ASCC2: variants seen among roughly 807,000 people sequenced by gnomAD.
The protein encoded by ASCC2 is activating signal cointegrator 1 complex subunit 2.
A neutral mutation model predicts 93.5 loss-of-function variants in ASCC2; 42 were observed. That is an observed-to-expected ratio of 0.45 (90% CI 0.35 to 0.58). ASCC2 has a LOEUF of 0.58. Ranked by LOEUF, ASCC2 falls within the 20% of genes least tolerant of loss-of-function variation. The pLI is 0.00. For synonymous variants in ASCC2, 364 were observed against 384.2 expected, an observed-to-expected ratio of 0.95 and a Z score of 0.62; for missense variants, 859 against 977.6, an observed-to-expected ratio of 0.88 and a Z score of 1.62.
At position 29,789,179 on chromosome 22, in the gene ASCC2, C is replaced by T. The variant is rs766787036; in HGVS notation, c.2108G>A (p.Arg703Gln). Residue 703 changes from arginine to glutamine, a missense_variant, in exon 20 of 20, where the codon CGG becomes CAG. Physicochemically the swap from Arg to Gln is conservative, Grantham distance 43. Coordinates refer to ENST00000307790, the MANE Select transcript of ASCC2 (RefSeq NM_032204.5). ...GGCCACTGCTGTTGAGCTGTCATGC[C>T]GGTACCTGAGGGAGGAACAACCCAC... ...RMAFLAKKGY[R>Q]HDSSTAVAGS... is the part of the protein sequence containing the mutation. The T allele has an allele frequency of 2.0e-5, 32 of 1,613,978 alleles. No individual in the cohort carries two copies. The highest frequency in any genetic ancestry group is 4.5e-5 in the East Asian group (2 of 44,898).
chr22:29,835,847 T>A (rs929545986), intron 1 of ASCC2, among the ~76,000 whole-genome samples: 2 of 152,172 alleles, frequency 1.3e-5, no homozygotes, highest in Non-Finnish European at 2.9e-5. Context: ...TGATTTGGCA[T>A]TAAAGCTGTA....
At chr22:29,794,758 G>A (rs1316298964) in intron 15 of ASCC2, among the ~76,000 whole-genome samples, 4 of 152,160 alleles carry the variant, frequency 2.6e-5, no homozygotes, top group Admixed American at 1.3e-4. Flanking sequence ...GTGCTGATGC[G>A]GAAAGAATTC....
intron 5 of ASCC2, among the ~76,000 whole-genome samples, chr22:29,821,588 T>C (rs183690658): frequency 6.6e-6 from 1 of 152,340 alleles, no homozygotes; most frequent in African/African-American, 2.4e-5. Context: ...GAATGCCAGG[T>C]CCCCGGAACA....
At chr22:29,831,046 G>C (rs2063082011) in intron 2 of ASCC2, among the ~76,000 whole-genome samples, 1 of 152,076 alleles carries the variant, frequency 6.6e-6, no homozygotes, top group South Asian at 2.1e-4. Flanking sequence ...TCACCACATG[G>C]GGCTATTTTA....
chr22:29,827,792 A>ACACACACACAC (rs1555880315), intron 2 of ASCC2, among the ~76,000 whole-genome samples: 2 of 78,030 alleles, frequency 2.6e-5, no homozygotes, highest in African/African-American at 1.3e-4. Context: ...ACACACACAC[A>ACACACACACAC]ACCAGGCTAC....
Position 29,790,516 on chromosome 22 carries a change from C to T in ASCC2, c.2055G>A (p.Leu685=), listed in dbSNP as rs770950156. ...TGCGCCTGGCTTCTGCCTTCTCTCT[C>T]AGCACTGCAGGGTCCTGAACAAAAT... ...PDHFVQDPAV[L]REKAEARRMA... is the part of the protein sequence containing the mutation. The change falls in exon 19 of 20, where the codon CTG becomes CTA. Residue 685 remains leucine, a synonymous_variant. Transcript: ENST00000307790. 28 of 1,614,040 alleles carry T rather than the reference C, an allele frequency of 1.7e-5. No individual in the cohort carries two copies. The highest frequency in any genetic ancestry group is 2.3e-5 in the Non-Finnish European group (27 of 1,180,046).
chr22:29,832,912 T>G (rs1023902253), intron 1 of ASCC2, among the ~76,000 whole-genome samples: 1 of 152,152 alleles, frequency 6.6e-6, no homozygotes, highest in Non-Finnish European at 1.5e-5. Flanking sequence ...AGCTAATTTT[T>G]TAATTTTTTG....
In ASCC2 at chr22:29,804,727, C is replaced by G. The variant is rs2059483067; in HGVS notation, c.1264G>C (p.Glu422Gln). The G allele has an allele frequency of 6.2e-7, 1 of 1,614,146 alleles. No homozygotes were observed. Among genetic ancestry groups the G allele is most frequent in the South Asian group, 1.1e-5 (1 of 91,084 alleles). Residue 422 changes from glutamate (E) to glutamine (Q), a missense_variant, in exon 13 of 20, where the codon GAG becomes CAG. Physicochemically the swap from Glu to Gln is conservative, Grantham distance 29. Coordinates refer to ENST00000307790, the MANE Select transcript of ASCC2 (RefSeq NM_032204.5). ...TDAKDPSVIE[E>Q]PNGEPNGVTV... ...ACCCCGTTAGGCTCCCCATTAGGCTCCTCAATCACCGATGGGTCTTTAGCA... is the reference window on the plus strand; with the variant it reads ...ACCCCGTTAGGCTCCCCATTAGGCTGCTCAATCACCGATGGGTCTTTAGCA...
intron 15 of ASCC2, among the ~76,000 whole-genome samples, chr22:29,799,552 AG>A (rs2058830662): frequency 1.3e-5 from 2 of 152,214 alleles, no homozygotes; most frequent in Admixed American, 6.5e-5. Flanking sequence ...CTCCTACCAC[AG>A]GAACAAGGCT....
chr22:29,792,359 GGGGTGAGGGGCCC>G, intron 18 of ASCC2, 61 bp downstream of exon 18: 1 of 1,587,500 alleles, frequency 6.3e-7, no homozygotes, highest in Non-Finnish European at 8.6e-7. Flanking sequence ...GACATAGGGA[GGGGTGAGGGGCCC>G]TTCTGATTCA....
At chr22:29,823,347 C>T (rs1300364912) in intron 4 of ASCC2, among the ~76,000 whole-genome samples, 6 of 152,170 alleles carry the variant, frequency 3.9e-5, no homozygotes, top group Non-Finnish European at 8.8e-5. Flanking sequence ...CCCATTCTCC[C>T]TTTTAATGTA....
At chr22:29,806,644 G>A in intron 10 of ASCC2, 91 bp from the exon 11 acceptor site, 2 of 1,458,636 alleles carry the variant, frequency 1.4e-6, no homozygotes, top group Non-Finnish European at 1.9e-6. Context: ...TAAGGCTGGG[G>A]CCCAGTGGAG....
At chr22:29,793,332 T>C in intron 17 of ASCC2, 28 bp downstream of exon 17, 1 of 1,611,496 alleles carries the variant, frequency 6.2e-7, no homozygotes, top group Non-Finnish European at 8.5e-7. Flanking sequence ...TGCTCTGCCC[T>C]GGAACGCCAC....
In ASCC2 at chr22:29,832,308, CA is replaced by C. The variant is rs1602285619; in HGVS notation, c.17del (p.Leu6ArgfsTer16). On this transcript the variant is annotated frameshift_variant, in exon 2 of 20. Coordinates refer to ENST00000307790, the MANE Select transcript of ASCC2 (RefSeq NM_032204.5). LOFTEE classifies it high-confidence loss of function. ...CCTTGTGGGTGATCTGGAGTTGGTC[CA>C]GGGGCAGAGCTGGCATTGTGCTGCG... MPALP[L>X]DQLQITHKDP... 6.2e-7 allele frequency: 1 copy of C among 1,613,820 alleles called. No homozygotes were observed. Among genetic ancestry groups the C allele is most frequent in the African/African-American group, 1.3e-5 (1 of 74,874 alleles).
intron 15 of ASCC2, among the ~76,000 whole-genome samples, chr22:29,795,255 G>A (rs556453639): frequency 6.6e-6 from 1 of 151,884 alleles, no homozygotes; most frequent in Non-Finnish European, 1.5e-5. Flanking sequence ...TAGAGACAGG[G>A]TCTCACTATA....
chr22:29,806,082 C>G, intron 12 of ASCC2, 134 bp downstream of exon 12: 1 of 931,542 alleles, frequency 1.1e-6, no homozygotes, highest in Non-Finnish European at 1.7e-6. Flanking sequence ...CCTTGGCAGG[C>G]CACCTCGGAC....
At chr22:29,816,202 G>A in intron 5 of ASCC2, 129 bp from the exon 6 acceptor site, 1 of 784,738 alleles carries the variant, frequency 1.3e-6, no homozygotes, top group Non-Finnish European at 2.1e-6. Context: ...TCTGCAGCTA[G>A]GACCTAGGAC....
intron 2 of ASCC2, among the ~76,000 whole-genome samples, chr22:29,828,375 T>A (rs1476148309): frequency 6.6e-6 from 1 of 152,196 alleles, no homozygotes; most frequent in African/African-American, 2.4e-5. Context: ...CCTATTTTTT[T>A]AATCTACAAA....
Position 29,822,335 on chromosome 22 carries a change from C to T in ASCC2, c.541G>A (p.Gly181Arg), listed in dbSNP as rs758143436. The T allele has an allele frequency of 1.2e-6, 2 of 1,613,898 alleles. No homozygotes were observed. The highest frequency in any genetic ancestry group is 2.2e-5 in the South Asian group (2 of 91,074). ...CCTCCCAGTCCTGCATCCTACACAC[C>T]TATCATCTTCTGGAGCAGTGGTGAG... Reference protein sequence around the residue: ...GNSPLLQKMIGNIFTQQPSYY... With the variant: ...GNSPLLQKMIRNIFTQQPSYY... Residue 181 changes from glycine (G) to arginine (R), a missense_variant and splice_region_variant, in exon 5 of 20, where the codon GGA (glycine) becomes AGA (arginine). By Grantham distance (125) the Gly-to-Arg change is moderately radical. Transcript: ENST00000307790.
Sources: gnomAD v4.1 joint callset for allele counts (sites outside exome capture counted in the v4.1 genomes callset) on GRCh38, gnomAD v4.1.1 for gene constraint, MANE v1.5 for transcripts, NCBI Gene and HGNC (gene_info 2026-07-23, HGNC 2026-07-21) for gene names.